Variants in ESRRG observed in about 807,000 individuals in gnomAD.
The protein encoded by ESRRG is estrogen-related receptor gamma.
Under a neutral mutation model 44.0 loss-of-function variants are expected in ESRRG, and 13 were observed. The observed-to-expected ratio is 0.30, with a 90% CI of 0.19 to 0.47. The LOEUF is 0.47. Among genes scored for constraint, ESRRG ranks in the 20% least tolerant of loss-of-function variants. ESRRG has a pLI of 1.00. For synonymous variants in ESRRG, 215 were observed against 214.6 expected (o/e 1.00, Z -0.02); for missense variants, 395 against 580.6 (o/e 0.68, Z 3.29).
intron 1 of ESRRG, among the ~76,000 whole-genome samples, chr1:217,061,074 A>G (rs1033300658): frequency 1.3e-5 from 2 of 151,916 alleles, no homozygotes; most frequent in Non-Finnish European, 2.9e-5. Context: ...TTTTCCCCCC[A>G]AAAAAAGTCT....
At chr1:216,967,175 C>CA (rs958789253) in intron 1 of ESRRG, among the ~76,000 whole-genome samples, 1 of 151,982 alleles carries the variant, frequency 6.6e-6, no homozygotes. Context: ...CATCGCCCCC[C>CA]CTCCCCATTG....
chr1:216,957,942 A>T (rs773019768), intron 1 of ESRRG, among the ~76,000 whole-genome samples: 2 of 152,278 alleles, frequency 1.3e-5, no homozygotes, highest in Non-Finnish European at 2.9e-5. Flanking sequence ...TGTCCACTCA[A>T]TCGCCTCCCA....
intron 1 of ESRRG, among the ~76,000 whole-genome samples, chr1:216,942,339 T>C (rs2065382540): frequency 6.6e-6 from 1 of 152,184 alleles, no homozygotes; most frequent in Non-Finnish European, 1.5e-5. Flanking sequence ...GTTGATTCCA[T>C]GTCTTTGCTA....
intron 2 of ESRRG, among the ~76,000 whole-genome samples, chr1:216,907,239 A>G (rs2059785866): frequency 6.6e-6 from 1 of 152,198 alleles, no homozygotes; most frequent in African/African-American, 2.4e-5. Context: ...AAGGAAGGAA[A>G]AGCCATTACC....
At chr1:216,807,716 A>T (rs1048462144) in intron 2 of ESRRG, among the ~76,000 whole-genome samples, 2 of 50,664 alleles carry the variant, frequency 3.9e-5, no homozygotes, top group Non-Finnish European at 1.1e-4. Context: ...CTTTGCCAAT[A>T]AAAAAAAAAA....
chr1:217,068,523 A>C (rs1580349831), intron 1 of ESRRG, among the ~76,000 whole-genome samples: 1 of 151,994 alleles, frequency 6.6e-6, no homozygotes, highest in Admixed American at 6.6e-5. Context: ...CTTCGGCTAT[A>C]TTTTTTTAAC....
At chr1:216,991,960 T>A (rs1185145843) in intron 1 of ESRRG, among the ~76,000 whole-genome samples, 2 of 152,232 alleles carry the variant, frequency 1.3e-5, no homozygotes, top group East Asian at 3.9e-4. Flanking sequence ...GGGATACTCC[T>A]GGGCTGTGAT....
intron 1 of ESRRG, chr1:216,701,617 GCTGA>G (rs1219879973): frequency 6.6e-6 from 1 of 152,242 alleles, no homozygotes; most frequent in Non-Finnish European, 1.5e-5. Flanking sequence ...ACCAGGCCAT[GCTGA>G]CTGTCTTCAG....
chr1:216,627,315 C>G (rs1210758494), intron 3 of ESRRG, among the ~76,000 whole-genome samples: 2 of 152,122 alleles, frequency 1.3e-5, no homozygotes, highest in African/African-American at 4.8e-5. Context: ...TTTACCAGGT[C>G]CCTCTGCCTC....
chr1:216,636,389 A>C (rs75993544), intron 3 of ESRRG, among the ~76,000 whole-genome samples: 7,456 of 152,312 alleles, frequency 0.049, 263 homozygotes, highest in Non-Finnish European at 0.076. Context: ...AGAAAAATAA[A>C]AGCCAAAATA....
chr1:216,718,558 A>C (rs527719059), intron 1 of ESRRG, among the ~76,000 whole-genome samples: 12 of 152,102 alleles, frequency 7.9e-5, no homozygotes, highest in Non-Finnish European at 1.2e-4. Flanking sequence ...ATATACACAT[A>C]AGTATGATTG....
intron 3 of ESRRG, among the ~76,000 whole-genome samples, chr1:216,626,264 T>A (rs1038484285): frequency 1.3e-5 from 2 of 152,174 alleles, no homozygotes; most frequent in Non-Finnish European, 2.9e-5. Flanking sequence ...TTCCTACAAC[T>A]CCAATCTTCA....
chr1:216,750,424 T>C (rs1393681858), intron 2 of ESRRG, among the ~76,000 whole-genome samples: 1 of 152,288 alleles, frequency 6.6e-6, no homozygotes, highest in East Asian at 1.9e-4. Flanking sequence ...TAAAAAGCTG[T>C]TCTTCAGTTA....
chr1:216,985,258 C>A (rs563250430), intron 1 of ESRRG, among the ~76,000 whole-genome samples: 1 of 152,302 alleles, frequency 6.6e-6, no homozygotes, highest in Admixed American at 6.5e-5. Context: ...TTTCCCAACA[C>A]CACAGGAAAG....
intron 2 of ESRRG, among the ~76,000 whole-genome samples, chr1:216,861,999 C>T (rs1200302257): frequency 1.3e-5 from 2 of 152,096 alleles, no homozygotes; most frequent in African/African-American, 4.8e-5. Flanking sequence ...GATACTACTA[C>T]ACATCTATTA....
chr1:217,066,159 C>T (rs926507890), intron 1 of ESRRG, among the ~76,000 whole-genome samples: 1 of 152,100 alleles, frequency 6.6e-6, no homozygotes, highest in Admixed American at 6.5e-5. Context: ...CCACAACATA[C>T]ATATTACATG....
At chr1:216,866,911 C>G (rs963090428) in intron 2 of ESRRG, among the ~76,000 whole-genome samples, 14 of 152,254 alleles carry the variant, frequency 9.2e-5, no homozygotes, top group African/African-American at 3.4e-4. Context: ...TTTTCTGCTA[C>G]ATAGACAGTT....
chr1:216,951,638 A>G lies in ESRRG; in HGVS notation c.-105-11965T>C, dbSNP rs191598140. On this transcript the variant is annotated intron_variant, in intron 1 of 7. Coordinates refer to the ESRRG transcript ENST00000359162. The stretch of plus-strand genomic sequence containing the variant: ...ACTAAAAACAGCACCAAAATAGTGT[A>G]ACCCTCATGTTTCATTGCCCTAGAA... Among the ~76,000 whole-genome samples, 649 of 152,018 alleles carry G rather than the reference A, an allele frequency of 4.3e-3. 3 individuals are homozygous for G. Among genetic ancestry groups the G allele is most frequent in the South Asian group, 7.7e-3 (37 of 4,806 alleles).
chr1:217,015,249 T>C (rs2079172302), intron 1 of ESRRG, among the ~76,000 whole-genome samples: 1 of 152,154 alleles, frequency 6.6e-6, no homozygotes, highest in South Asian at 2.1e-4. Context: ...ATTCAATTTC[T>C]ACCATCTCTT....
Sources: allele counts gnomAD v4.1 joint callset (sites outside exome capture counted in the v4.1 genomes callset), GRCh38; gene constraint gnomAD v4.1.1; transcripts MANE v1.5; gene names NCBI Gene and HGNC (gene_info 2026-07-23, HGNC 2026-07-21).